The following CNMD variants were observed in gnomAD, a reference collection of about 807,000 sequenced individuals.
CNMD encodes the protein leukocyte cell-derived chemotaxin 1.
A neutral mutation model predicts 37.5 loss-of-function variants in CNMD; 30 were observed. That is an observed-to-expected ratio of 0.80 (90% CI 0.60 to 1.09). The LOEUF (loss-of-function observed/expected upper bound fraction) is 1.09, where lower values mean the gene tolerates loss of function less well. Ranked by LOEUF, CNMD falls within the 50% of genes least tolerant of loss-of-function variation. The pLI is 0.00. For missense variants in CNMD, 398 were observed against 423.9 expected (o/e 0.94, Z 0.54); for synonymous variants, 167 against 148.2 (o/e 1.13, Z -0.92).
intron 2 of CNMD, among the ~76,000 whole-genome samples, chr13:52,736,077 T>C (rs1964756701): frequency 6.6e-6 from 1 of 151,754 alleles, no homozygotes; most frequent in Admixed American, 6.6e-5. Context: ...CACTGCAAGC[T>C]CCGCCTCCTG....
rs779508037 is a variant in CNMD, at chr13:52,712,703, T to C, written c.622+13A>G. The C allele has an allele frequency of 1.4e-6, 2 of 1,479,618 alleles. No homozygotes were observed. The highest frequency in any genetic ancestry group is 4.7e-5 in the Admixed American group (2 of 42,588). 91.7% of individuals were successfully genotyped at this position (1,479,618 alleles called of 1,614,324 possible). A position where few individuals can be genotyped will look rare whatever the true frequency, so the allele number is the denominator to read the frequency against. On this transcript the variant is annotated intron_variant, in intron 5 of 6. Transcript: ENST00000377962. ...GAAAGTTGTAAACAGCTTAAGATAA[T>C]TTAAAATGTTACCTTTTGGATAGGT...
chr13:52,716,972 ATCCATGAGCATGGAATGTTTT>A (rs1964398273), intron 4 of CNMD, among the ~76,000 whole-genome samples: 1 of 152,198 alleles, frequency 6.6e-6, no homozygotes, highest in Non-Finnish European at 1.5e-5. Context: ...GATTCTTCAC[ATCCATGAGCATGGAATGTTTT>A]TCCATGCGTT....
At position 52,734,241 on chromosome 13, in the gene CNMD, T is replaced by C. The variant is rs149540152; in HGVS notation, c.214-882A>G. 5.6e-3 allele frequency among the ~76,000 whole-genome samples: 855 copies of C among 152,326 alleles called. 9 individuals carry two copies. Among genetic ancestry groups the C allele is most frequent in the African/African-American group, 0.02 (816 of 41,572 alleles). On this transcript the variant is annotated intron_variant, in intron 2 of 6. Transcript: ENST00000377962. ...GGACCTCATAGGTGGCTTTCATCTA[T>C]GTCCTTAGAACTGTTGGGATCTCCC... is the stretch of plus-strand genomic sequence containing the variant.
chr13:52,708,774 G>T, intron 5 of CNMD, 72 bp from the exon 6 acceptor site: 1 of 1,265,552 alleles, frequency 7.9e-7, no homozygotes, highest in Non-Finnish European at 1.1e-6. Context: ...TTATCAGGGT[G>T]AAAAACATAA....
At chr13:52,733,596 A>G in intron 2 of CNMD, 1 of 580,982 alleles carries the variant, frequency 1.7e-6, no homozygotes, top group Non-Finnish European at 3.2e-6. Flanking sequence ...CTATTCCAAT[A>G]GCTCCATAAT....
intron 2 of CNMD, among the ~76,000 whole-genome samples, chr13:52,734,534 T>A (rs558362352): frequency 6.6e-6 from 1 of 152,286 alleles, no homozygotes; most frequent in Admixed American, 6.5e-5. Flanking sequence ...GCTGTCCTGG[T>A]AGACCTTTCT....
chr13:52,708,185 CTAT>C (rs1227262522), intron 6 of CNMD, among the ~76,000 whole-genome samples: 5 of 15,006 alleles, frequency 3.3e-4, no homozygotes, highest in East Asian at 4.3e-3. Context: ...CATTTCAACA[CTAT>C]TTTTTTTTTT....
intron 5 of CNMD, among the ~76,000 whole-genome samples, chr13:52,711,258 C>T (rs1391614623): frequency 6.6e-6 from 1 of 152,156 alleles, no homozygotes; most frequent in East Asian, 1.9e-4. Flanking sequence ...ACTGCAGACT[C>T]TTGTCCTCAG....
In CNMD at chr13:52,708,628, G is replaced by C; in HGVS notation, c.697C>G (p.Arg233Gly). Residue 233 changes from arginine to glycine, a missense_variant, in exon 6 of 7, where the codon CGG becomes GGG. Coordinates refer to ENST00000377962, the MANE Select transcript of CNMD (RefSeq NM_007015.3). ...AGTCTTCCAGCGCCTGGGTTGCTCCGTGGTCCACTGTGTGGTCTTTTTGTG... is the reference window on the plus strand; with the variant it reads ...AGTCTTCCAGCGCCTGGGTTGCTCCCTGGTCCACTGTGTGGTCTTTTTGTG... ...TTTKRPHSGPRSNPGAGRLNN... is the reference protein window; with the variant it reads ...TTTKRPHSGPGSNPGAGRLNN... 2 of 1,613,798 alleles carry C rather than the reference G, an allele frequency of 1.2e-6. No homozygotes were observed. The highest frequency in any genetic ancestry group is 4.5e-5 in the East Asian group (2 of 44,884).
intron 6 of CNMD, among the ~76,000 whole-genome samples, chr13:52,704,102 C>T (rs1169977708): frequency 6.6e-6 from 1 of 152,162 alleles, no homozygotes; most frequent in East Asian, 1.9e-4. Context: ...ACTATGGTTA[C>T]CACTTAGTAA....
chr13:52,713,277 T>C (rs1964321434), intron 4 of CNMD, among the ~76,000 whole-genome samples: 1 of 152,246 alleles, frequency 6.6e-6, no homozygotes, highest in African/African-American at 2.4e-5. Flanking sequence ...GGTTTTGTTC[T>C]GCAGCTTCTG....
rs774693756 is a variant in CNMD at position 52,739,079 on chromosome 13, G to A, written c.165C>T (p.Leu55=). Residue 55 remains leucine, a synonymous_variant, in exon 2 of 7, where the codon CTC becomes CTT. Coordinates refer to ENST00000377962, the MANE Select transcript of CNMD (RefSeq NM_007015.3). This position sits in a 1 kb window ranked among gnomAD's most constrained non-coding sequence, Gnocchi z 5.4. ...AGTAGAAGGCCCCGATGGCCCCAAA[G>A]AGCAGCAGCACAGCTCCCGAAATGA... ...VVLISGAVLL[L]FGAIGAFYFW... 3.8e-6 allele frequency: 6 copies of A among 1,582,606 alleles called. No homozygotes were observed. Among genetic ancestry groups the A allele is most frequent in the African/African-American group, 1.4e-5 (1 of 71,034 alleles).
chr13:52,722,753 T>TA (rs2138251027), intron 4 of CNMD, among the ~76,000 whole-genome samples: 1 of 152,270 alleles, frequency 6.6e-6, no homozygotes, highest in South Asian at 2.1e-4. Flanking sequence ...AAGTAAATTT[T>TA]AAAAAAATCA....
chr13:52,706,844 T>G (rs900046143), intron 6 of CNMD, among the ~76,000 whole-genome samples: 4 of 152,052 alleles, frequency 2.6e-5, no homozygotes, highest in African/African-American at 9.7e-5. Context: ...GGAAACACTT[T>G]TCTTAATATA....
intron 5 of CNMD, among the ~76,000 whole-genome samples, chr13:52,712,009 T>G (rs1051372922): frequency 7.9e-5 from 12 of 152,106 alleles, no homozygotes; most frequent in Non-Finnish European, 1.5e-4. Flanking sequence ...AGAAAGGCCT[T>G]TTTTTTCCCC....
intron 4 of CNMD, among the ~76,000 whole-genome samples, chr13:52,717,082 T>G (rs899672812): frequency 2.0e-5 from 3 of 152,198 alleles, no homozygotes; most frequent in African/African-American, 7.2e-5. Context: ...TAAGTTGTAT[T>G]CCTAGTATTT....
At chr13:52,708,028 T>A (rs1395599457) in intron 6 of CNMD, among the ~76,000 whole-genome samples, 1 of 151,660 alleles carries the variant, frequency 6.6e-6, no homozygotes, top group Non-Finnish European at 1.5e-5. Context: ...GGCAGGAGAA[T>A]TGCTTGAACC....
chr13:52,734,490 A>G (rs538430221), intron 2 of CNMD, among the ~76,000 whole-genome samples: 1 of 152,250 alleles, frequency 6.6e-6, no homozygotes, highest in East Asian at 1.9e-4. Flanking sequence ...ACTGGTTTCA[A>G]AATAACTCAG....
intron 2 of CNMD, among the ~76,000 whole-genome samples, chr13:52,738,413 T>G (rs1452759854): frequency 1.3e-5 from 2 of 152,184 alleles, no homozygotes; most frequent in Non-Finnish European, 2.9e-5. Flanking sequence ...TTAAACCACA[T>G]GTGATGACTA....
Sources: gnomAD v4.1 joint callset for allele counts (sites outside exome capture counted in the v4.1 genomes callset) on GRCh38, gnomAD v4.1.1 for gene constraint, Gnocchi (gnomAD v3.1) non-coding constraint, MANE v1.5 for transcripts, NCBI Gene and HGNC (gene_info 2026-07-23, HGNC 2026-07-21) for gene names.